CUX1: variants seen among roughly 807,000 people sequenced by gnomAD.
CUX1 encodes cut like homeobox 1, also known as protein CASP.
Under a neutral mutation model 158.8 loss-of-function variants are expected in CUX1, and 31 were observed. The ratio of observed to expected loss-of-function variants is 0.20; its 90% CI spans 0.15 to 0.26. The LOEUF (loss-of-function observed/expected upper bound fraction) is 0.26. Ranked by LOEUF, CUX1 falls within the 10% of genes least tolerant of loss-of-function variation. CUX1 has a pLI of 1.00. For synonymous variants in CUX1, 879 were observed against 862.1 expected, an observed-to-expected ratio of 1.02 and a Z score of -0.34; for missense variants, 1,589 against 2,014.6, an observed-to-expected ratio of 0.79 and a Z score of 4.04.
chr7:102,181,259 C>T (rs1187978186), intron 11 of CUX1, among the ~76,000 whole-genome samples: 2 of 152,162 alleles, frequency 1.3e-5, no homozygotes, highest in African/African-American at 2.4e-5. Flanking sequence ...TTGTCACCGC[C>T]GTTTCTTCCT....
At chr7:101,823,471 G>A (rs1005258075) in intron 1 of CUX1, among the ~76,000 whole-genome samples, 1 of 152,160 alleles carries the variant, frequency 6.6e-6, no homozygotes, top group East Asian at 1.9e-4. Flanking sequence ...AGAGTGGACC[G>A]GGCCCTGGCC....
chr7:101,996,504 C>T (rs1585213957), intron 2 of CUX1, among the ~76,000 whole-genome samples: 1 of 151,998 alleles, frequency 6.6e-6, no homozygotes, highest in South Asian at 2.1e-4. Flanking sequence ...ATGGAGGGGG[C>T]CCCGAGCAGA....
At chr7:102,154,736 C>G (rs1241035588) in intron 8 of CUX1, among the ~76,000 whole-genome samples, 1 of 152,114 alleles carries the variant, frequency 6.6e-6, no homozygotes, top group Non-Finnish European at 1.5e-5. Flanking sequence ...ACATGGAAGA[C>G]AGAAGTAGCT....
At chr7:102,190,446 G>A (rs1794152189) in intron 12 of CUX1, among the ~76,000 whole-genome samples, 1 of 152,074 alleles carries the variant, frequency 6.6e-6, no homozygotes, top group Admixed American at 6.5e-5. Flanking sequence ...TTGGCACTCT[G>A]GAGCTCCCAG....
chr7:102,256,966 G>T lies in CUX1; in HGVS notation c.*7924G>T. Reference sequence around the variant, plus strand: ...CTGTGGCTTGAGGGCTCACCTAGGAGATCATAGGCAGAGGGCCCCTTTCCC... The same window carrying T: ...CTGTGGCTTGAGGGCTCACCTAGGATATCATAGGCAGAGGGCCCCTTTCCC... On this transcript the variant is annotated 3_prime_UTR_variant, in exon 24 of 24. Coordinates refer to ENST00000292535, the MANE Select transcript of CUX1 (RefSeq NM_181552.4). 1.0e-6 allele frequency: 1 copy of T among 985,458 alleles called. No homozygotes were observed. The highest frequency in any genetic ancestry group is 1.2e-6 in the Non-Finnish European group (1 of 829,950). The allele number at this position is 985,458 out of a possible 1,614,324, so 61.0% of individuals were successfully genotyped here.
intron 9 of CUX1, among the ~76,000 whole-genome samples, chr7:102,165,036 G>T (rs975724948): frequency 6.6e-6 from 1 of 152,146 alleles, no homozygotes; most frequent in African/African-American, 2.4e-5. Context: ...GACGGTGAGG[G>T]TTCTCTCTTG....
intron 1 of CUX1, among the ~76,000 whole-genome samples, chr7:101,818,536 GTTCCATCGAAAGT>G (rs1254173159): frequency 6.6e-6 from 1 of 152,154 alleles, no homozygotes; most frequent in Non-Finnish European, 1.5e-5. Context: ...GGGCTCCAGG[GTTCCATCGAAAGT>G]TTCCATGTCA....
At chr7:101,974,461 A>G (rs916007244) in intron 2 of CUX1, among the ~76,000 whole-genome samples, 1 of 152,234 alleles carries the variant, frequency 6.6e-6, no homozygotes, top group African/African-American at 2.4e-5. Flanking sequence ...CTAGGAAACG[A>G]GAGCTTTTAA....
intron 6 of CUX1, among the ~76,000 whole-genome samples, chr7:102,110,637 A>G (rs1470010582): frequency 6.6e-6 from 1 of 152,104 alleles, no homozygotes; most frequent in Non-Finnish European, 1.5e-5. Context: ...TTCATAGTAC[A>G]CTATCATTTG....
rs1260684494 is a variant in CUX1, at chr7:102,104,520, A to T, written c.530+61A>T. 1.9e-6 allele frequency: 3 copies of T among 1,583,156 alleles called. No homozygotes were observed. The East Asian group carries it at 6.8e-5, about 36-fold the overall frequency. ...AGCATTTGCCCCTGAACTTCACATCATCAGACATGTTGATAAATGGATCTG... is the reference window on the plus strand; with the variant it reads ...AGCATTTGCCCCTGAACTTCACATCTTCAGACATGTTGATAAATGGATCTG... On this transcript the variant is annotated intron_variant, in intron 6 of 23. Transcript: ENST00000292535.
At chr7:102,176,730 C>G (rs1253968058) in intron 10 of CUX1, among the ~76,000 whole-genome samples, 1 of 151,850 alleles carries the variant, frequency 6.6e-6, no homozygotes, top group Non-Finnish European at 1.5e-5. Context: ...CACCACAATG[C>G]CTTGCTAATT....
At chr7:101,982,742 T>G (rs1813596895) in intron 2 of CUX1, among the ~76,000 whole-genome samples, 1 of 152,050 alleles carries the variant, frequency 6.6e-6, no homozygotes, top group Admixed American at 6.6e-5. Context: ...TTTATTATAC[T>G]TTAAGTTCTA....
intron 23 of CUX1, 48 bp downstream of exon 23, chr7:102,239,632 G>T: frequency 6.3e-7 from 1 of 1,583,248 alleles, no homozygotes; most frequent in Non-Finnish European, 8.6e-7. Context: ...AGGGGAAGGG[G>T]CTGATCTGTC....
chr7:101,932,373 C>T (rs981706958), intron 2 of CUX1: 4 of 336,866 alleles, frequency 1.2e-5, no homozygotes, highest in East Asian at 1.5e-4. Context: ...CGCATGCAAG[C>T]GTGTGTGTTC....
At chr7:102,100,174 A>C (rs1563241940) in intron 5 of CUX1, among the ~76,000 whole-genome samples, 1 of 152,278 alleles carries the variant, frequency 6.6e-6, no homozygotes, top group East Asian at 1.9e-4. Context: ...GCTACTCAGA[A>C]GACTGAGGTG....
At chr7:102,263,342 G>A (rs1790557782) in intron 14 of CUX1, among the ~76,000 whole-genome samples, 1 of 125,152 alleles carries the variant, frequency 8.0e-6, no homozygotes, top group Non-Finnish European at 1.7e-5. Context: ...TTGAGATGGA[G>A]TCTCACTGTT....
intron 10 of CUX1, among the ~76,000 whole-genome samples, chr7:102,174,172 T>A (rs1792039178): frequency 6.6e-6 from 1 of 152,106 alleles, no homozygotes; most frequent in African/African-American, 2.4e-5. Flanking sequence ...CAGGGTGGAG[T>A]GCAGTGGCGC....
At chr7:102,164,350 C>A (rs782204016) in intron 9 of CUX1, among the ~76,000 whole-genome samples, 4 of 152,214 alleles carry the variant, frequency 2.6e-5, no homozygotes, top group Non-Finnish European at 5.9e-5. Flanking sequence ...TTACTACCTA[C>A]GAGGCCTGCT....
chr7:102,120,977 C>T (rs1028401708), intron 8 of CUX1, among the ~76,000 whole-genome samples: 3 of 152,070 alleles, frequency 2.0e-5, no homozygotes, highest in East Asian at 1.9e-4. Context: ...TTGGAAGGTT[C>T]GCTTGAGCCT....
Sources: allele counts gnomAD v4.1 joint callset (sites outside exome capture counted in the v4.1 genomes callset), GRCh38; gene constraint gnomAD v4.1.1; transcripts MANE v1.5; gene names NCBI Gene and HGNC (gene_info 2026-07-23, HGNC 2026-07-21).